Variants in FBXL20 observed in about 807,000 individuals in gnomAD.
The protein encoded by FBXL20 is F-box/LRR-repeat protein 20.
In FBXL20, 11 loss-of-function variants were observed where a neutral mutation model predicts 64.0. The observed-to-expected ratio is 0.17, with a 90% CI of 0.11 to 0.28. The LOEUF (loss-of-function observed/expected upper bound fraction) is 0.28. Among genes scored for constraint, FBXL20 ranks in the 10% least tolerant of loss-of-function variants. The pLI is 1.00. For missense variants in FBXL20, 303 were observed against 526.2 expected (o/e 0.58, Z 4.15); for synonymous variants, 184 against 189.0 (o/e 0.97, Z 0.22).
chr17:39,304,757 A>G (rs58225361), intron 2 of FBXL20, among the ~76,000 whole-genome samples: 6,953 of 151,928 alleles, frequency 0.046, 318 homozygotes, highest in African/African-American at 0.12. Flanking sequence ...ATGCTCAGCT[A>G]ATTTTTTTTT....
chr17:39,306,233 C>T (rs2047181629), intron 2 of FBXL20, among the ~76,000 whole-genome samples: 1 of 151,274 alleles, frequency 6.6e-6, no homozygotes, highest in Admixed American at 6.6e-5. Flanking sequence ...TCACTGCAAC[C>T]TCAGCCTCTT....
intron 1 of FBXL20, among the ~76,000 whole-genome samples, chr17:39,349,029 A>T (rs544082896): frequency 4.4e-4 from 67 of 152,048 alleles, no homozygotes; most frequent in African/African-American, 1.6e-3. Context: ...AGGCGGGCAG[A>T]TCACTTGAGG....
upstream of FBXL20, chr17:39,402,270 G>GC (rs147479461): frequency 1 from 1,218,359 of 1,221,796 alleles, 607,470 homozygotes; most frequent in East Asian, 1. Context: ...GGCTGCCGCC[G>GC]CGCCTCCGCG....
intron 11 of FBXL20, among the ~76,000 whole-genome samples, chr17:39,269,486 C>A (rs1389296838): frequency 8.6e-5 from 13 of 151,318 alleles, no homozygotes; most frequent in Admixed American, 6.6e-5. Context: ...AGCCATCGCG[C>A]CCGGCCTTTC....
intron 9 of FBXL20, among the ~76,000 whole-genome samples, chr17:39,280,276 A>C (rs1395692641): frequency 1.3e-5 from 2 of 150,526 alleles, no homozygotes; most frequent in Non-Finnish European, 3.0e-5. Context: ...GGTGACACAC[A>C]CTTGCAATCC....
intron 2 of FBXL20, among the ~76,000 whole-genome samples, chr17:39,323,603 A>C (rs9891892): frequency 0.21 from 32,558 of 151,874 alleles, 4,020 homozygotes; most frequent in African/African-American, 0.33. Flanking sequence ...TTGTACCTTG[A>C]AGAATACTAC....
Position 39,259,379 on chromosome 17 carries a change from T to G in FBXL20, c.*2081A>C, listed in dbSNP as rs748907538. ...ATCATATAGAAGATTAATATTATGA[T>G]GGATTGCACATTAATGTCTCAAAGG... On this transcript the variant is annotated 3_prime_UTR_variant, in exon 15 of 15. Coordinates refer to ENST00000264658, the MANE Select transcript of FBXL20 (RefSeq NM_032875.3). 4 of 152,188 alleles carry G rather than the reference T, an allele frequency of 2.6e-5. No individual in the cohort carries two copies. The highest frequency in any genetic ancestry group is 5.9e-5 in the Non-Finnish European group (4 of 68,026). 9.4% of individuals were successfully genotyped at this position (152,188 alleles called of 1,614,324 possible). A position where few individuals can be genotyped will look rare whatever the true frequency, so the allele number is the denominator to read the frequency against.
intron 2 of FBXL20, among the ~76,000 whole-genome samples, chr17:39,318,321 G>T (rs766246129): frequency 1.3e-5 from 2 of 152,146 alleles, no homozygotes; most frequent in Non-Finnish European, 2.9e-5. Flanking sequence ...ATAGGATGTG[G>T]TAAGAATCCT....
chr17:39,326,892 T>G (rs1159308558), intron 2 of FBXL20, among the ~76,000 whole-genome samples: 1 of 151,100 alleles, frequency 6.6e-6, no homozygotes, highest in African/African-American at 2.4e-5. Context: ...CTTTTTTTTT[T>G]TTTTTTTGAA....
chr17:39,263,854 G>T, intron 14 of FBXL20: 1 of 207,740 alleles, frequency 4.8e-6, no homozygotes, highest in Non-Finnish European at 9.6e-6. Flanking sequence ...CTTTCCTTTA[G>T]AACAAAAATG....
intron 11 of FBXL20, among the ~76,000 whole-genome samples, 184 bp from the exon 12 acceptor site, chr17:39,269,055 G>A (rs1398885066): frequency 2.0e-5 from 3 of 152,008 alleles, no homozygotes; most frequent in Admixed American, 2.0e-4. Flanking sequence ...TGTCACCCAG[G>A]TTGGAGTGCA....
chr17:39,377,769 C>T (rs1475793029), intron 1 of FBXL20, among the ~76,000 whole-genome samples: 1 of 152,166 alleles, frequency 6.6e-6, no homozygotes, highest in Non-Finnish European at 1.5e-5. Context: ...TCCCAAAGTG[C>T]TGGGATTACA....
intron 2 of FBXL20, among the ~76,000 whole-genome samples, chr17:39,311,481 G>A (rs2144485289): frequency 6.6e-6 from 1 of 152,034 alleles, no homozygotes; most frequent in East Asian, 1.9e-4. Flanking sequence ...CAAATAACCA[G>A]GAAAGGTTGT....
intron 2 of FBXL20, among the ~76,000 whole-genome samples, chr17:39,338,579 T>C (rs1386673742): frequency 6.6e-6 from 1 of 152,200 alleles, no homozygotes; most frequent in Non-Finnish European, 1.5e-5. Context: ...CAATGTATAA[T>C]GTAGTCTCAA....
At position 39,319,020 on chromosome 17, in the gene FBXL20, G is replaced by A. The variant is rs1238197633; in HGVS notation, c.105-15381C>T. Among the ~76,000 whole-genome samples, 6 of 152,036 alleles carry A rather than the reference G, an allele frequency of 3.9e-5. No individual in the cohort carries two copies. In the East Asian group the frequency reaches 1.2e-3, roughly 29 times the overall value. ...AATCTCAGCACTTTGGGAGGTCGAG[G>A]CAGGCAAATCACGTGGTCAGGAGAT... On this transcript the variant is annotated intron_variant, in intron 2 of 14. Transcript: ENST00000264658.
upstream of FBXL20, chr17:39,402,383 T>A (rs780739236): frequency 7.0e-6 from 3 of 429,298 alleles, no homozygotes; most frequent in South Asian, 3.5e-4. Context: ...CTTGTCTCCC[T>A]GTGCATGGCT....
chr17:39,399,163 G>T (rs1017789000), intron 1 of FBXL20, among the ~76,000 whole-genome samples: 8 of 151,964 alleles, frequency 5.3e-5, no homozygotes, highest in Non-Finnish European at 1.0e-4. Flanking sequence ...GCCACAATTT[G>T]AAATTAGCTA....
intron 1 of FBXL20, among the ~76,000 whole-genome samples, chr17:39,397,641 T>C (rs1392970486): frequency 6.6e-6 from 1 of 152,136 alleles, no homozygotes; most frequent in African/African-American, 2.4e-5. Flanking sequence ...GTTAAGATAA[T>C]GTCAGTTATG....
At chr17:39,393,718 T>C (rs977006435) in intron 1 of FBXL20, among the ~76,000 whole-genome samples, 1 of 152,216 alleles carries the variant, frequency 6.6e-6, no homozygotes, top group African/African-American at 2.4e-5. Flanking sequence ...AGTAGGTTAC[T>C]TACTTAGAGC....
Sources: allele counts gnomAD v4.1 joint callset (sites outside exome capture counted in the v4.1 genomes callset), GRCh38; gene constraint gnomAD v4.1.1; transcripts MANE v1.5; gene names NCBI Gene and HGNC (gene_info 2026-07-23, HGNC 2026-07-21).